LNX2: variants seen among roughly 807,000 people sequenced by gnomAD.
The protein encoded by LNX2 is ligand of numb-protein X 2, also known as ligand of Numb protein X 2.
A neutral mutation model predicts 66.2 loss-of-function variants in LNX2; 35 were observed. That is an observed-to-expected ratio of 0.53 (90% CI 0.40 to 0.70). The LOEUF (loss-of-function observed/expected upper bound fraction) is 0.70. Among genes scored for constraint, LNX2 ranks in the 30% least tolerant of loss-of-function variants. The pLI is 0.00. For missense variants in LNX2, 791 were observed against 850.8 expected (o/e 0.93, Z 0.87); for synonymous variants, 337 against 315.6 (o/e 1.07, Z -0.72).
intron 1 of LNX2, among the ~76,000 whole-genome samples, chr13:27,616,863 G>A (rs1017449136): frequency 1.3e-5 from 2 of 152,192 alleles, no homozygotes; most frequent in Non-Finnish European, 2.9e-5. Flanking sequence ...GATTTCTCCT[G>A]CCTCAGCCTC....
At chr13:27,549,540 C>A (rs1243596071) in intron 9 of LNX2, among the ~76,000 whole-genome samples, 1 of 152,158 alleles carries the variant, frequency 6.6e-6, no homozygotes, top group Non-Finnish European at 1.5e-5. Context: ...GGTTTGAATG[C>A]CAGCCAACCA....
intron 2 of LNX2, among the ~76,000 whole-genome samples, chr13:27,570,422 A>G (rs763385068): frequency 3.3e-5 from 5 of 152,234 alleles, no homozygotes; most frequent in Admixed American, 3.3e-4. Context: ...CTCCTGAACT[A>G]AAGATTTCTT....
Position 27,547,988 on chromosome 13 carries a change from T to C in LNX2, c.*347A>G, listed in dbSNP as rs540832556. ...CCTGAGGGATACAGAACTCGTTCTA[T>C]GATTCAGTTACTGAAAACAAAGACC... is the stretch of plus-strand genomic sequence containing the variant. On this transcript the variant is annotated 3_prime_UTR_variant, in exon 10 of 10. Coordinates refer to ENST00000316334, the MANE Select transcript of LNX2 (RefSeq NM_153371.4). 9.7e-5 allele frequency: 24 copies of C among 247,536 alleles called. No individual in the cohort carries two copies. Among genetic ancestry groups the C allele is most frequent in the Non-Finnish European group, 1.6e-4 (21 of 127,292 alleles). 15.3% of individuals were successfully genotyped at this position (247,536 alleles called of 1,614,324 possible).
intron 2 of LNX2, among the ~76,000 whole-genome samples, chr13:27,571,855 A>T (rs1417507661): frequency 6.6e-6 from 1 of 152,210 alleles, no homozygotes; most frequent in African/African-American, 2.4e-5. Context: ...ACATTTGTGG[A>T]GTGCCTAATT....
At chr13:27,557,456 T>A (rs569818942) in intron 6 of LNX2, among the ~76,000 whole-genome samples, 1 of 152,208 alleles carries the variant, frequency 6.6e-6, no homozygotes, top group East Asian at 1.9e-4. Flanking sequence ...ATATTGTATA[T>A]ATGCACCTAC....
intron 1 of LNX2, among the ~76,000 whole-genome samples, chr13:27,599,565 G>A (rs896949566): frequency 3.9e-5 from 6 of 152,124 alleles, no homozygotes; most frequent in African/African-American, 1.4e-4. Context: ...ATATACTTAT[G>A]TTCTAACCAG....
chr13:27,568,726 CACAG>C (rs1469135865), intron 3 of LNX2, among the ~76,000 whole-genome samples: 4 of 152,088 alleles, frequency 2.6e-5, no homozygotes, highest in South Asian at 2.1e-4. Context: ...AGTTTCTGAA[CACAG>C]ACAGTAATAA....
chr13:27,607,591 A>T (rs570128048), intron 1 of LNX2, among the ~76,000 whole-genome samples: 21 of 152,366 alleles, frequency 1.4e-4, no homozygotes, highest in Admixed American at 3.3e-4. Context: ...AATTGAGAAC[A>T]TACAAACATA....
At chr13:27,613,507 C>T (rs1050405604) in intron 1 of LNX2, among the ~76,000 whole-genome samples, 3 of 152,228 alleles carry the variant, frequency 2.0e-5, no homozygotes, top group Non-Finnish European at 2.9e-5. Flanking sequence ...CGTGGTGGCT[C>T]ATGCCTGTAA....
At chr13:27,589,832 C>G (rs962204626) in intron 1 of LNX2, among the ~76,000 whole-genome samples, 4 of 152,204 alleles carry the variant, frequency 2.6e-5, no homozygotes, top group Non-Finnish European at 5.9e-5. Context: ...TCTAGGTGAA[C>G]CTCTGCCAAT....
chr13:27,617,591 C>T (rs1194829887), intron 1 of LNX2, among the ~76,000 whole-genome samples: 1 of 152,160 alleles, frequency 6.6e-6, no homozygotes, highest in Admixed American at 6.5e-5. Flanking sequence ...GATAGAAATG[C>T]CTAATATTCA....
chr13:27,611,640 T>C (rs1334335126), intron 1 of LNX2, among the ~76,000 whole-genome samples: 1 of 152,262 alleles, frequency 6.6e-6, no homozygotes, highest in Non-Finnish European at 1.5e-5. Context: ...TAAATATTCA[T>C]AATTTTGGTA....
chr13:27,588,791 A>G (rs112217028), intron 1 of LNX2, among the ~76,000 whole-genome samples: 7 of 152,360 alleles, frequency 4.6e-5, no homozygotes, highest in African/African-American at 1.7e-4. Context: ...TGAAAATTCA[A>G]ATATCCATGT....
intron 1 of LNX2, among the ~76,000 whole-genome samples, chr13:27,606,404 CA>C (rs1244721577): frequency 2.8e-3 from 324 of 114,216 alleles, no homozygotes; most frequent in Non-Finnish European, 4.4e-3. Context: ...GAGAAAAGCT[CA>C]AAAAAAAAAA....
chr13:27,606,798 T>C (rs1401223327), intron 1 of LNX2, among the ~76,000 whole-genome samples: 1 of 152,150 alleles, frequency 6.6e-6, no homozygotes. Context: ...AGTATATTTA[T>C]GGCAGGAGCA....
At chr13:27,618,958 T>C (rs558237573) in intron 1 of LNX2, among the ~76,000 whole-genome samples, 2 of 152,336 alleles carry the variant, frequency 1.3e-5, no homozygotes, top group South Asian at 2.1e-4. Context: ...GGGTAACTAG[T>C]GGGATAAAGG....
chr13:27,599,505 C>T (rs1223125288), intron 1 of LNX2, among the ~76,000 whole-genome samples: 1 of 152,142 alleles, frequency 6.6e-6, no homozygotes, highest in African/African-American at 2.4e-5. Flanking sequence ...ATCCTCATTG[C>T]AATCTGAACT....
At chr13:27,610,124 T>TCATG (rs985828620) in intron 1 of LNX2, among the ~76,000 whole-genome samples, 1 of 152,224 alleles carries the variant, frequency 6.6e-6, no homozygotes, top group African/African-American at 2.4e-5. Flanking sequence ...TCTTAAAAGG[T>TCATG]CATGCACTGC....
intron 5 of LNX2, 37 bp from the exon 6 acceptor site, chr13:27,560,022 A>T: frequency 6.6e-7 from 1 of 1,511,938 alleles, no homozygotes; most frequent in South Asian, 1.3e-5. Context: ...TAAGTGACTA[A>T]TGATGTTTGT....
Sources: allele counts gnomAD v4.1 joint callset (sites outside exome capture counted in the v4.1 genomes callset), GRCh38; gene constraint gnomAD v4.1.1; transcripts MANE v1.5; gene names NCBI Gene and HGNC (gene_info 2026-07-23, HGNC 2026-07-21).